The following TBCA variants were observed in gnomAD, a reference collection of about 807,000 sequenced individuals.
TBCA encodes the protein tubulin folding cofactor A, also known as tubulin-specific chaperone A.
A neutral mutation model predicts 15.8 loss-of-function variants in TBCA; 6 were observed. The observed-to-expected ratio is 0.38, with a 90% CI of 0.21 to 0.75. TBCA has a LOEUF of 0.75. Among genes scored for constraint, TBCA ranks in the 30% least tolerant of loss-of-function variants. TBCA has a pLI of 0.46. For synonymous variants in TBCA, 32 were observed against 42.3 expected (o/e 0.76, Z 0.94); for missense variants, 90 against 131.2 (o/e 0.69, Z 1.53).
intron 1 of TBCA, among the ~76,000 whole-genome samples, chr5:77,746,266 G>GA (rs1234686140): frequency 6.6e-6 from 1 of 151,678 alleles, no homozygotes; most frequent in Admixed American, 6.6e-5. Context: ...CCGTCTCTAT[G>GA]AAAAAAATAA....
At chr5:77,755,822 T>C (rs966058241) in intron 1 of TBCA, among the ~76,000 whole-genome samples, 2 of 151,620 alleles carry the variant, frequency 1.3e-5, no homozygotes, top group African/African-American at 2.4e-5. Context: ...ATAACCAACA[T>C]GGAAAAACCC....
At chr5:77,747,089 A>C (rs1020236895) in intron 1 of TBCA, among the ~76,000 whole-genome samples, 8 of 152,152 alleles carry the variant, frequency 5.3e-5, no homozygotes, top group Non-Finnish European at 1.0e-4. Context: ...GTTTACTTAC[A>C]TTTTTAAGAA....
chr5:77,740,220 A>C (rs1747000904), intron 1 of TBCA, among the ~76,000 whole-genome samples: 1 of 152,266 alleles, frequency 6.6e-6, no homozygotes, highest in Non-Finnish European at 1.5e-5. Flanking sequence ...GCAGGGTACT[A>C]GGTTATAACC....
chr5:77,752,676 A>T (rs1258759452), intron 1 of TBCA, among the ~76,000 whole-genome samples: 1 of 114,680 alleles, frequency 8.7e-6, no homozygotes, highest in Non-Finnish European at 1.9e-5. Flanking sequence ...CTCCTGCCTC[A>T]GCCTCCCGAG....
At chr5:77,701,848 A>AC (rs1561263947) in intron 2 of TBCA, among the ~76,000 whole-genome samples, 1 of 151,262 alleles carries the variant, frequency 6.6e-6, no homozygotes, top group Non-Finnish European at 1.5e-5. Context: ...ATGGAATACT[A>AC]CCTCAGCCAT....
At chr5:77,701,854 GC>G (rs553672131) in intron 2 of TBCA, among the ~76,000 whole-genome samples, 141 of 151,570 alleles carry the variant, frequency 9.3e-4, no homozygotes, top group African/African-American at 3.3e-3. Context: ...TACTACCTCA[GC>G]CATAAAAAGG....
intron 1 of TBCA, among the ~76,000 whole-genome samples, chr5:77,748,813 C>A (rs889198555): frequency 5.9e-5 from 9 of 152,036 alleles, no homozygotes; most frequent in African/African-American, 2.2e-4. Context: ...ATATTTTGTA[C>A]GTTATATGTA....
chr5:77,774,389 T>A (rs547197678), intron 1 of TBCA, among the ~76,000 whole-genome samples: 1 of 152,314 alleles, frequency 6.6e-6, no homozygotes, highest in African/African-American at 2.4e-5. Flanking sequence ...GGGACCTTTT[T>A]AAGTCTGATA....
intron 1 of TBCA, among the ~76,000 whole-genome samples, chr5:77,737,675 CATCTTATTA>C (rs995591918): frequency 1.3e-5 from 2 of 152,160 alleles, no homozygotes; most frequent in African/African-American, 4.8e-5. Context: ...ATTTTAAATT[CATCTTATTA>C]ATAGAGGAAA....
At chr5:77,752,959 CG>C (rs1747387125) in intron 1 of TBCA, among the ~76,000 whole-genome samples, 1 of 152,098 alleles carries the variant, frequency 6.6e-6, no homozygotes, top group South Asian at 2.1e-4. Flanking sequence ...TCTCAAAGTG[CG>C]GGGATTACAG....
chr5:77,746,572 G>A (rs1055047647), intron 1 of TBCA, among the ~76,000 whole-genome samples: 15 of 151,936 alleles, frequency 9.9e-5, no homozygotes, highest in African/African-American at 3.1e-4. Context: ...CTCCTTTTTC[G>A]ATATTAACTT....
At chr5:77,701,628 A>C (rs999600536) in intron 2 of TBCA, among the ~76,000 whole-genome samples, 3 of 147,780 alleles carry the variant, frequency 2.0e-5, no homozygotes, top group African/African-American at 7.4e-5. Context: ...AACTGCAAAA[A>C]TGTGGAACCA....
chr5:77,697,941 G>A (rs1056888104), intron 2 of TBCA, among the ~76,000 whole-genome samples: 8 of 149,478 alleles, frequency 5.4e-5, no homozygotes, highest in African/African-American at 2.4e-5. Flanking sequence ...ACCAGCCTGG[G>A]CAACAGGCAA....
At chr5:77,743,432 T>C (rs1206411390) in intron 1 of TBCA, among the ~76,000 whole-genome samples, 1 of 152,184 alleles carries the variant, frequency 6.6e-6, no homozygotes, top group African/African-American at 2.4e-5. Flanking sequence ...TAGAGAAAGC[T>C]GGAAGAGTCA....
At chr5:77,710,899 G>C (rs1021074612) in intron 1 of TBCA, among the ~76,000 whole-genome samples, 2 of 152,112 alleles carry the variant, frequency 1.3e-5, no homozygotes, top group Non-Finnish European at 2.9e-5. Flanking sequence ...GAAACTACTG[G>C]ATTAGCAATG....
At chr5:77,695,639 C>T (rs1745855944) in intron 2 of TBCA, among the ~76,000 whole-genome samples, 1 of 151,956 alleles carries the variant, frequency 6.6e-6, no homozygotes, top group Admixed American at 6.6e-5. Flanking sequence ...GTAAAGATAC[C>T]CCCCAAAACA....
chr5:77,710,412 A>T (rs1408053407), intron 1 of TBCA, among the ~76,000 whole-genome samples: 1 of 152,242 alleles, frequency 6.6e-6, no homozygotes, highest in Non-Finnish European at 1.5e-5. Flanking sequence ...AAAGATATTT[A>T]TCTAAAAAAG....
chr5:77,761,068 C>CCTGG (rs1194858187), intron 1 of TBCA, among the ~76,000 whole-genome samples: 5 of 152,088 alleles, frequency 3.3e-5, no homozygotes. Context: ...AGCGCCTCTG[C>CCTGG]CTGGCCACTG....
chr5:77,747,808 AGATTTTT>A (rs1172943545), intron 1 of TBCA, among the ~76,000 whole-genome samples: 1 of 152,180 alleles, frequency 6.6e-6, no homozygotes, highest in Non-Finnish European at 1.5e-5. Context: ...TTTAGATTTT[AGATTTTT>A]GAATTTTAGA....
Sources: allele counts gnomAD v4.1 joint callset (sites outside exome capture counted in the v4.1 genomes callset), GRCh38; gene constraint gnomAD v4.1.1; transcripts MANE v1.5; gene names NCBI Gene and HGNC (gene_info 2026-07-23, HGNC 2026-07-21).